Variants in RNF17 observed in about 807,000 individuals in gnomAD.
The protein encoded by RNF17 is ring finger protein 17, also known as spermatogenesis associated 23.
In RNF17, 31 loss-of-function variants were observed where a neutral mutation model predicts 200.5. The observed-to-expected ratio is 0.15, with a 90% CI of 0.12 to 0.21. RNF17 has a LOEUF of 0.21. Ranked by LOEUF, RNF17 falls within the 10% of genes least tolerant of loss-of-function variation. RNF17 has a pLI of 1.00. For synonymous variants in RNF17, 606 were observed against 637.8 expected (o/e 0.95, Z 0.75); for missense variants, 1,628 against 1,905.1 (o/e 0.85, Z 2.71).
At chr13:24,789,482 A>AAAAAAATCATTCATGTGTGAATCT in intron 8 of RNF17, 58 bp downstream of exon 8, 1 of 1,203,110 alleles carries the variant, frequency 8.3e-7, no homozygotes, top group South Asian at 1.3e-5. Flanking sequence ...TGGAACTTAA[A>AAAAAAATCATTCATGTGTGAATCT]TGTATTAAAA....
At chr13:24,784,141 T>G (rs1369122068) in intron 6 of RNF17, among the ~76,000 whole-genome samples, 1 of 152,236 alleles carries the variant, frequency 6.6e-6, no homozygotes, top group Non-Finnish European at 1.5e-5. Flanking sequence ...TTTGCTTTTT[T>G]CTTTTAATGT....
chr13:24,877,227 C>G, intron 34 of RNF17, 41 bp downstream of exon 34: 1 of 1,522,848 alleles, frequency 6.6e-7, no homozygotes, highest in South Asian at 1.2e-5. Flanking sequence ...AAAGCTATTT[C>G]TGTGTCGATA....
intron 2 of RNF17, among the ~76,000 whole-genome samples, chr13:24,770,437 A>G (rs535420728): frequency 1.3e-5 from 2 of 152,288 alleles, no homozygotes; most frequent in African/African-American, 4.8e-5. Context: ...ACTTTCTTAA[A>G]CTATCTGGAA....
In RNF17 at chr13:24,802,590, CTT is replaced by C; in HGVS notation, c.1949+20_1949+21del. The C allele has an allele frequency of 6.4e-7, 1 of 1,567,120 alleles. No individual in the cohort carries two copies. Among genetic ancestry groups the C allele is most frequent in the Non-Finnish European group, 8.7e-7 (1 of 1,154,098 alleles). On this transcript the variant is annotated intron_variant, in intron 14 of 35. Transcript: ENST00000255324. ...TAGCAAAGTAAGTAACTTATTAAAACTTAAATATTCTTTGAGATTATAGCTAT... is the reference window on the plus strand; with the variant it reads ...TAGCAAAGTAAGTAACTTATTAAAACAAATATTCTTTGAGATTATAGCTAT...
downstream of RNF17, chr13:24,884,075 AAT>A (rs1491289309): frequency 6.2e-7 from 1 of 1,602,182 alleles, no homozygotes; most frequent in East Asian, 2.3e-5. Context: ...CCATCTGGGT[AAT>A]GTTTTTCTGT....
intron 31 of RNF17, 142 bp downstream of exon 31, chr13:24,868,858 A>G (rs909886229): frequency 1.9e-5 from 12 of 623,606 alleles, no homozygotes; most frequent in Non-Finnish European, 3.4e-5. Context: ...CCCACCCTAT[A>G]ATATCCTCTT....
intron 9 of RNF17, among the ~76,000 whole-genome samples, chr13:24,792,565 G>A (rs868099225): frequency 2.6e-5 from 4 of 152,134 alleles, no homozygotes; most frequent in African/African-American, 9.7e-5. Context: ...GAGACATTTA[G>A]ATTGCAAGGT....
At chr13:24,886,284 T>C in the RNF17 span, 3 of 1,287,726 alleles carry the variant, frequency 2.3e-6, no homozygotes, top group Non-Finnish European at 3.0e-6. Context: ...TGTTAAAAAG[T>C]GTAACAGAGC....
chr13:24,766,174 G>A (rs894512092), intron 1 of RNF17, among the ~76,000 whole-genome samples: 2 of 152,220 alleles, frequency 1.3e-5, no homozygotes, highest in Non-Finnish European at 2.9e-5. Context: ...AGTTGGCAGT[G>A]AACCGAGATC....
intron 16 of RNF17, chr13:24,826,110 A>G (rs1888596132): frequency 1.0e-6 from 1 of 984,272 alleles, no homozygotes; most frequent in Non-Finnish European, 1.2e-6. Flanking sequence ...TACAAATTAA[A>G]GGTGAGTCCT....
At chr13:24,850,695 T>C (rs1375966890) in intron 23 of RNF17, among the ~76,000 whole-genome samples, 1 of 152,262 alleles carries the variant, frequency 6.6e-6, no homozygotes, top group African/African-American at 2.4e-5. Flanking sequence ...TTACTATTTA[T>C]GTGCTTTCTC....
rs1249301423 is a variant in RNF17, at chr13:24,831,865, A to C, written c.2369A>C (p.Lys790Thr). 6.3e-7 allele frequency: 1 copy of C among 1,593,986 alleles called. No homozygotes were observed. The highest frequency in any genetic ancestry group is 2.2e-5 in the East Asian group (1 of 44,530). The change falls in exon 18 of 36, where the codon AAA becomes ACA. Residue 790 changes from lysine to threonine, a missense_variant. Around this residue, in one of 5 missense-constraint regions of RNF17, gnomAD observed 227 missense variants for 319.8 expected, o/e 0.71. Coordinates refer to ENST00000255324, the MANE Select transcript of RNF17 (RefSeq NM_031277.3). ...EFLNAPEKAI[K>T]CKLAYIEPYK... is the part of the protein sequence containing the mutation. ...GAATTTTGTCTGACACAGGCAATTA[A>C]ATGTAAGTTGGCCTATATTGAACCA... is the stretch of plus-strand genomic sequence containing the variant.
intron 7 of RNF17, 151 bp from the exon 8 acceptor site, chr13:24,789,197 C>T (rs556483414): frequency 1.8e-5 from 10 of 549,404 alleles, no homozygotes; most frequent in Non-Finnish European, 3.0e-5. Context: ...GTCATAAACA[C>T]TTATTTGTAT....
the RNF17 span, among the ~76,000 whole-genome samples, chr13:24,754,909 A>G: frequency 6.6e-6 from 1 of 151,980 alleles, no homozygotes. Context: ...AAAAAAAAAA[A>G]AAGATTGCAT....
chr13:24,800,298 T>G (rs1047865604), intron 12 of RNF17, 68 bp from the exon 13 acceptor site: 46 of 1,112,148 alleles, frequency 4.1e-5, no homozygotes, highest in Non-Finnish European at 5.6e-5. Flanking sequence ...ATGCATACCT[T>G]CTGTGGGGGA....
chr13:24,788,023 C>T lies in RNF17; in HGVS notation c.647C>T (p.Thr216Ile), dbSNP rs1883349855. The change falls in exon 7 of 36, where the codon ACT (threonine) becomes ATT (isoleucine). Residue 216 changes from threonine to isoleucine, a missense_variant. Thr to Ile is a moderately conservative substitution (Grantham distance 89). Transcript: ENST00000255324. ...KNLCEEFART[T>I]DDYLSNLIKA... Reference sequence around the variant, plus strand: ...CTGTGTGAAGAATTTGCAAGAACTACTGATGATTATCTATCAAATTTAATA... The same window carrying T: ...CTGTGTGAAGAATTTGCAAGAACTATTGATGATTATCTATCAAATTTAATA... 1 of 1,575,730 alleles carries T rather than the reference C, an allele frequency of 6.3e-7. No individual in the cohort carries two copies. Among genetic ancestry groups the T allele is most frequent in the Non-Finnish European group, 8.6e-7 (1 of 1,167,888 alleles).
At chr13:24,845,323 C>G (rs1358976087) in intron 22 of RNF17, among the ~76,000 whole-genome samples, 1 of 152,046 alleles carries the variant, frequency 6.6e-6, no homozygotes, top group East Asian at 1.9e-4. Flanking sequence ...CTTTGAGGAA[C>G]AACAAACACA....
chr13:24,750,458 C>T, the RNF17 span, among the ~76,000 whole-genome samples: 4 of 152,318 alleles, frequency 2.6e-5, no homozygotes, highest in Admixed American at 6.5e-5. Context: ...TGCCCATTAG[C>T]AGTCACTACA....
chr13:24,789,823 C>T (rs749089940), intron 9 of RNF17, 51 bp downstream of exon 9: 50 of 1,014,874 alleles, frequency 4.9e-5, no homozygotes, highest in East Asian at 2.4e-4. Flanking sequence ...ACAGTACTTA[C>T]ATTATCTAAG....
Sources: allele counts gnomAD v4.1 joint callset (sites outside exome capture counted in the v4.1 genomes callset), GRCh38; gene constraint gnomAD v4.1.1; regional missense constraint gnomAD v4.1.1; transcripts MANE v1.5; gene names NCBI Gene and HGNC (gene_info 2026-07-23, HGNC 2026-07-21).